The following INSYN2B variants were observed in gnomAD, a reference collection of about 807,000 sequenced individuals.
The protein encoded by INSYN2B is inhibitory synaptic factor family member 2B.
In INSYN2B, 16 loss-of-function variants were observed where a neutral mutation model predicts 41.2. The ratio of observed to expected loss-of-function variants is 0.39; its 90% CI spans 0.26 to 0.59. The LOEUF is 0.59. Among genes scored for constraint, INSYN2B ranks in the 20% least tolerant of loss-of-function variants. The pLI is 0.57. For synonymous variants in INSYN2B, 245 were observed against 244.4 expected (o/e 1.00, Z -0.02); for missense variants, 608 against 646.4 (o/e 0.94, Z 0.64).
chr5:169,967,676 A>G (rs898979177), intron 1 of INSYN2B, among the ~76,000 whole-genome samples: 3 of 152,194 alleles, frequency 2.0e-5, no homozygotes, highest in African/African-American at 7.2e-5. Flanking sequence ...TGACTGCAAC[A>G]GGGAGAATTG....
chr5:169,872,288 G>T (rs759189755), intron 3 of INSYN2B, among the ~76,000 whole-genome samples: 3 of 152,136 alleles, frequency 2.0e-5, no homozygotes, highest in Non-Finnish European at 4.4e-5. Context: ...TTTGGTTCTC[G>T]TCCATTTGGA....
chr5:169,926,693 A>G (rs573056231), intron 1 of INSYN2B, among the ~76,000 whole-genome samples: 11 of 152,348 alleles, frequency 7.2e-5, no homozygotes, highest in African/African-American at 2.4e-4. Flanking sequence ...CTCAAAGATT[A>G]TTTAAAGAAA....
chr5:169,919,942 G>C (rs1240093859), intron 1 of INSYN2B, among the ~76,000 whole-genome samples: 2 of 152,168 alleles, frequency 1.3e-5, no homozygotes, highest in African/African-American at 4.8e-5. Context: ...CTGAAATTAT[G>C]CCAAGTAACT....
intron 1 of INSYN2B, among the ~76,000 whole-genome samples, chr5:169,893,833 A>T (rs1025641074): frequency 2.6e-5 from 4 of 152,174 alleles, no homozygotes; most frequent in African/African-American, 9.7e-5. Context: ...CACATGGGAG[A>T]GGGATCCAGT....
chr5:169,904,861 G>A (rs1329979965), intron 1 of INSYN2B, among the ~76,000 whole-genome samples: 2 of 152,130 alleles, frequency 1.3e-5, no homozygotes, highest in African/African-American at 2.4e-5. Flanking sequence ...GAAGACTATG[G>A]CACCTTCACT....
At position 169,861,742 on chromosome 5, in the gene INSYN2B, G is replaced by T. The variant is rs1422713719; in HGVS notation, c.*2531C>A. Among the ~76,000 whole-genome samples, 5 of 152,162 alleles carry T rather than the reference G, an allele frequency of 3.3e-5. No individual in the cohort carries two copies. Among genetic ancestry groups the T allele is most frequent in the Middle Eastern group, 3.4e-3 (1 of 294 alleles). Reference sequence around the variant, plus strand: ...TAGAGACGACCATTTTTGTTCATCAGGAAAATGTTTATGGAATCCTATTTC... The same window carrying T: ...TAGAGACGACCATTTTTGTTCATCATGAAAATGTTTATGGAATCCTATTTC... On this transcript the variant is annotated 3_prime_UTR_variant, in exon 4 of 4. Transcript: ENST00000377365.
At chr5:169,974,450 C>T (rs1777641895) in intron 1 of INSYN2B, among the ~76,000 whole-genome samples, 1 of 152,204 alleles carries the variant, frequency 6.6e-6, no homozygotes, top group Admixed American at 6.5e-5. Flanking sequence ...AGCCTAGTAT[C>T]TAACATGTAT....
At chr5:169,952,996 AT>A (rs1776725013) in intron 1 of INSYN2B, among the ~76,000 whole-genome samples, 1 of 152,178 alleles carries the variant, frequency 6.6e-6, no homozygotes, top group Non-Finnish European at 1.5e-5. Context: ...TATTTATTGA[AT>A]TGTTTAAACA....
intron 1 of INSYN2B, among the ~76,000 whole-genome samples, chr5:169,921,702 T>C (rs748055858): frequency 2.8e-4 from 42 of 152,280 alleles, no homozygotes; most frequent in Middle Eastern, 3.4e-3. Context: ...GTTTTGGAGA[T>C]GGGATTGCAT....
Position 169,882,756 on chromosome 5 carries a change from G to A in INSYN2B, c.1143C>T (p.Ser381=). 3.9e-6 allele frequency: 6 copies of A among 1,551,772 alleles called. No individual in the cohort carries two copies. The highest frequency in any genetic ancestry group is 5.2e-6 in the Non-Finnish European group (6 of 1,146,978). The change falls in exon 2 of 4, where the codon TCC becomes TCT. Residue 381 remains serine, a synonymous_variant. Coordinates refer to ENST00000377365, the MANE Select transcript of INSYN2B (RefSeq NM_001129891.3). Reference sequence around the variant, plus strand: ...GTTTGGTCTCACTCCTTGAAAGAGAGGATGGGAGATGATTACTTCCTGGAC... The same window carrying A: ...GTTTGGTCTCACTCCTTGAAAGAGAAGATGGGAGATGATTACTTCCTGGAC... The part of the protein sequence containing the change: ...PNCPGSNHLP[S]SLSRSETKLQ...
chr5:169,913,854 A>G (rs421237), intron 1 of INSYN2B, among the ~76,000 whole-genome samples: 1 of 152,170 alleles, frequency 6.6e-6, no homozygotes, highest in African/African-American at 2.4e-5. Context: ...AACTTTTTGT[A>G]TACTGAGCAA....
chr5:169,943,010 T>C (rs953554358), intron 1 of INSYN2B, among the ~76,000 whole-genome samples: 1 of 152,146 alleles, frequency 6.6e-6, no homozygotes, highest in African/African-American at 2.4e-5. Context: ...TTGATATCAA[T>C]AGCTAAAAAA....
intron 1 of INSYN2B, among the ~76,000 whole-genome samples, chr5:169,894,586 C>A (rs1009799648): frequency 2.6e-5 from 4 of 152,190 alleles, no homozygotes; most frequent in African/African-American, 9.6e-5. Context: ...ATGGTCTGAT[C>A]TAATCACAGA....
chr5:169,867,404 CCTCT>C (rs1173847450), intron 3 of INSYN2B, among the ~76,000 whole-genome samples: 10 of 115,772 alleles, frequency 8.6e-5, no homozygotes, highest in Admixed American at 2.8e-4. Context: ...TGGGTGAAAA[CCTCT>C]CTGTCTGTCT....
chr5:169,896,247 G>A (rs899442948), intron 1 of INSYN2B, among the ~76,000 whole-genome samples: 8 of 152,176 alleles, frequency 5.3e-5, no homozygotes, highest in Non-Finnish European at 1.0e-4. Context: ...CATTCTGGAT[G>A]AGATCCAGAA....
At chr5:169,965,741 CTT>C (rs1304468552) in intron 1 of INSYN2B, among the ~76,000 whole-genome samples, 1 of 152,170 alleles carries the variant, frequency 6.6e-6, no homozygotes, top group Non-Finnish European at 1.5e-5. Context: ...CAATTATAGA[CTT>C]TCAGAATTTG....
chr5:169,945,749 T>G (rs259915), intron 1 of INSYN2B, among the ~76,000 whole-genome samples: 116,768 of 152,140 alleles, frequency 0.77, 45,733 homozygotes, highest in African/African-American at 0.94. Context: ...TTGCCTCTGG[T>G]TCTCTCGGCC....
rs1771331442 is a variant in INSYN2B at position 169,863,464 on chromosome 5, C to T, written c.*809G>A. 6.6e-6 allele frequency among the ~76,000 whole-genome samples: 1 copy of T among 152,180 alleles called. No homozygotes were observed. The highest frequency in any genetic ancestry group is 1.5e-5 in the Non-Finnish European group (1 of 68,036). ...AACTATGGAGTCTTAAAGTTCACAC[C>T]AAAAACAGATTCCACCCATTTGCCA... On this transcript the variant is annotated 3_prime_UTR_variant, in exon 4 of 4. Transcript: ENST00000377365.
At chr5:169,916,503 C>G (rs1774882512) in intron 1 of INSYN2B, among the ~76,000 whole-genome samples, 1 of 152,212 alleles carries the variant, frequency 6.6e-6, no homozygotes, top group Non-Finnish European at 1.5e-5. Flanking sequence ...AGAATTGGAA[C>G]CATGGCTCTG....
Sources: gnomAD v4.1 joint callset for allele counts (sites outside exome capture counted in the v4.1 genomes callset) on GRCh38, gnomAD v4.1.1 for gene constraint, MANE v1.5 for transcripts, NCBI Gene and HGNC (gene_info 2026-07-23, HGNC 2026-07-21) for gene names.